Variants in ITPRIP observed in about 807,000 individuals in gnomAD.
The protein encoded by ITPRIP is inositol 1,4,5-trisphosphate receptor interacting protein.
Under a neutral mutation model 35.8 loss-of-function variants are expected in ITPRIP, and 32 were observed. The ratio of observed to expected loss-of-function variants is 0.89; its 90% confidence interval spans 0.68 to 1.20. ITPRIP has a LOEUF of 1.20. ITPRIP is among the 50% of genes most tolerant of loss of function. The pLI, the probability that ITPRIP is intolerant of heterozygous loss-of-function variation, is 0.00. For synonymous variants in ITPRIP, 358 were observed against 324.0 expected (o/e 1.11, Z -1.13); for missense variants, 653 against 735.6 (o/e 0.89, Z 1.30).
chr10:104,334,642 G>A (rs1243779630), intron 1 of ITPRIP, among the ~76,000 whole-genome samples: 1 of 152,204 alleles, frequency 6.6e-6, no homozygotes, highest in Non-Finnish European at 1.5e-5. Context: ...TGAGGCACTG[G>A]CCAAGGAGAT....
At chr10:104,330,772 C>T (rs770367038) in intron 1 of ITPRIP, among the ~76,000 whole-genome samples, 3 of 152,194 alleles carry the variant, frequency 2.0e-5, no homozygotes, top group Non-Finnish European at 4.4e-5. Context: ...CTGAGGCAGG[C>T]ACTTATCTCC....
rs906246957 is a variant in ITPRIP at position 104,315,928 on chromosome 10, G to C, written c.124C>G (p.Gln42Glu). 10 of 1,613,926 alleles carry C rather than the reference G, an allele frequency of 6.2e-6. No homozygotes were observed. Among genetic ancestry groups the C allele is most frequent in the Non-Finnish European group, 8.5e-6 (10 of 1,180,028 alleles). Residue 42 changes from glutamine (Q) to glutamate (E), a missense_variant, in exon 2 of 2, where the codon CAG (glutamine) becomes GAG (glutamate). Physicochemically the swap from Gln to Glu is conservative, Grantham distance 29. Coordinates refer to ENST00000337478, the MANE Select transcript of ITPRIP (RefSeq NM_001272013.2). The surrounding 1 kb of genome is among the most constrained non-coding windows in gnomAD (Gnocchi z 5.7). The stretch of plus-strand genomic sequence containing the variant: ...AGCTGCAGCTTCTCCTGGTGCGCCT[G>C]CATCTTGCGGATGATCTCCTCCTCG... ...ENEEEIIRKM[Q>E]AHQEKLQLEQ...
rs2135173970 is a variant in ITPRIP at position 104,313,594 on chromosome 10, T to G, written c.*814A>C. ...TCAGAAAGACCAGCTTTGGAGAGAA[T>G]AAAGAGAGGTGGGGGGCTGCTGAGC... On this transcript the variant is annotated 3_prime_UTR_variant, in exon 2 of 2. Transcript: ENST00000337478. 1.0e-6 allele frequency: 1 copy of G among 985,352 alleles called. No individual in the cohort carries two copies. The highest frequency in any genetic ancestry group is 4.7e-5 in the South Asian group (1 of 21,284). The allele number at this position is 985,352 out of a possible 1,614,324, so 61.0% of individuals were successfully genotyped here.
At chr10:104,332,600 C>T (rs912836918) in intron 1 of ITPRIP, among the ~76,000 whole-genome samples, 2 of 152,186 alleles carry the variant, frequency 1.3e-5, no homozygotes, top group African/African-American at 4.8e-5. Context: ...AAGCAGCAGG[C>T]ATCACCTGAT....
intron 1 of ITPRIP, among the ~76,000 whole-genome samples, chr10:104,322,535 C>A (rs1031900893): frequency 3.3e-5 from 5 of 152,224 alleles, no homozygotes; most frequent in African/African-American, 9.6e-5. Flanking sequence ...TCTCAACAAG[C>A]CCTCTAGGTC....
At position 104,314,465 on chromosome 10, in the gene ITPRIP, C is replaced by T. The variant is rs372160583; in HGVS notation, c.1587G>A (p.Ala529=). The change falls in exon 2 of 2, where the codon GCG becomes GCA. Residue 529 remains alanine (A), a synonymous_variant. Coordinates refer to ENST00000337478, the MANE Select transcript of ITPRIP (RefSeq NM_001272013.2). Reference sequence around the variant, plus strand: ...CATGTAGGGAATACTCGCTAATGAGCGCTGGGGCATTCTTGAGCATCTCAT... The same window carrying T: ...CATGTAGGGAATACTCGCTAATGAGTGCTGGGGCATTCTTGAGCATCTCAT... ...SFYEMLKNAP[A]LISEYSLHVP... 1.1e-4 allele frequency: 172 copies of T among 1,613,942 alleles called. No homozygotes were observed. Among genetic ancestry groups the T allele is most frequent in the Admixed American group, 1.3e-4 (8 of 60,008 alleles).
At chr10:104,317,906 G>A (rs2013731159) in intron 1 of ITPRIP, among the ~76,000 whole-genome samples, 2 of 152,214 alleles carry the variant, frequency 1.3e-5, no homozygotes. Context: ...CTGCTCAGAT[G>A]TGACTCAGAC....
intron 1 of ITPRIP, among the ~76,000 whole-genome samples, chr10:104,322,985 A>G (rs915448876): frequency 6.8e-5 from 10 of 147,556 alleles, no homozygotes; most frequent in African/African-American, 2.4e-4. Context: ...TGAGGTACAC[A>G]GTTGTTGGGG....
chr10:104,313,999 C>T lies in ITPRIP; in HGVS notation c.*409G>A. On this transcript the variant is annotated 3_prime_UTR_variant, in exon 2 of 2. Transcript: ENST00000337478. ...GGGGTGCTGGGTCTTAACACGGTTC[C>T]CTGTCAGCATTCTTGTAGATCCTCT... is the stretch of plus-strand genomic sequence containing the variant. 1 of 1,005,448 alleles carries T rather than the reference C, an allele frequency of 9.9e-7. No homozygotes were observed. The highest frequency in any genetic ancestry group is 1.2e-6 in the Non-Finnish European group (1 of 841,662). The allele number at this position is 1,005,448 out of a possible 1,614,324, so 62.3% of individuals were successfully genotyped here.
chr10:104,314,996 G>A lies in ITPRIP; in HGVS notation c.1056C>T (p.Ile352=), dbSNP rs766430777. Residue 352 remains isoleucine, a synonymous_variant, in exon 2 of 2, where the codon ATC becomes ATT. Coordinates refer to ENST00000337478, the MANE Select transcript of ITPRIP (RefSeq NM_001272013.2). ...KFMPFNLIPV[I]QCDDSDLYFV... The stretch of plus-strand genomic sequence containing the variant: ...AGTACAGGTCCGAGTCATCACACTG[G>A]ATCACAGGAATCAGGTTGAAGGGCA... 3.7e-6 allele frequency: 6 copies of A among 1,614,114 alleles called. No individual in the cohort carries two copies. The highest frequency in any genetic ancestry group is 5.1e-6 in the Non-Finnish European group (6 of 1,180,040).
chr10:104,319,297 G>C (rs1264417185), intron 1 of ITPRIP, among the ~76,000 whole-genome samples: 3 of 152,222 alleles, frequency 2.0e-5, no homozygotes, highest in Non-Finnish European at 2.9e-5. Flanking sequence ...CACAGGGCAG[G>C]CTCCTCTCCT....
intron 1 of ITPRIP, among the ~76,000 whole-genome samples, chr10:104,329,862 G>A (rs921937373): frequency 2.0e-5 from 3 of 152,174 alleles, no homozygotes; most frequent in African/African-American, 7.2e-5. Flanking sequence ...CTGGTGCTGC[G>A]GTCATGTCTC....
chr10:104,328,277 T>G lies in ITPRIP; in HGVS notation c.-14+9969A>C. 1 of 985,386 alleles carries G rather than the reference T, an allele frequency of 1.0e-6. No homozygotes were observed. Among genetic ancestry groups the G allele is most frequent in the Non-Finnish European group, 1.2e-6 (1 of 829,934 alleles). 61.0% of individuals were successfully genotyped at this position (985,386 alleles called of 1,614,324 possible). A position where few individuals can be genotyped will look rare whatever the true frequency, so the allele number is the denominator to read the frequency against. On this transcript the variant is annotated intron_variant, in intron 1 of 1. Coordinates refer to ENST00000337478, the MANE Select transcript of ITPRIP (RefSeq NM_001272013.2). This position sits in a 1 kb window ranked among gnomAD's most constrained non-coding sequence, Gnocchi z 4.1. Reference sequence around the variant, plus strand: ...ACATTGGCTTGGTCTGGGCTCGTATTCCTCCGAATTTCCCCTAGCCCTGTG... The same window carrying G: ...ACATTGGCTTGGTCTGGGCTCGTATGCCTCCGAATTTCCCCTAGCCCTGTG...
At chr10:104,318,482 A>G (rs1412848690) in intron 1 of ITPRIP, among the ~76,000 whole-genome samples, 1 of 152,184 alleles carries the variant, frequency 6.6e-6, no homozygotes, top group Non-Finnish European at 1.5e-5. Flanking sequence ...TTGTCAACTC[A>G]GTGCAGGATG....
chr10:104,331,359 G>A (rs2014144512), intron 1 of ITPRIP, among the ~76,000 whole-genome samples: 2 of 152,226 alleles, frequency 1.3e-5, no homozygotes, highest in Non-Finnish European at 2.9e-5. Flanking sequence ...CGGGTCCCCC[G>A]GCTGCTGCTA....
rs1160578013 is a variant in ITPRIP, at chr10:104,328,985, G to A, written c.-14+9261C>T. On this transcript the variant is annotated intron_variant, in intron 1 of 1. Transcript: ENST00000337478. The surrounding 1 kb of genome is among the most constrained non-coding windows in gnomAD (Gnocchi z 4.1). ...TGACACAAAGCCTGGGCCCCAGCTG[G>A]GCTGGGGAGAGCGGGGAGGGGAGAG... 5 of 152,484 alleles carry A rather than the reference G, an allele frequency of 3.3e-5. No individual in the cohort carries two copies. The highest frequency in any genetic ancestry group is 9.7e-5 in the African/African-American group (4 of 41,346). The allele number at this position is 152,484 out of a possible 1,614,324, so 9.4% of individuals were successfully genotyped here.
rs1006070933 is a variant in ITPRIP, at chr10:104,312,737, T to C, written c.*1671A>G. ...GGGCAAAGGGTCCATCTTCTCAAGC[T>C]TTCTGAGGCTGGTTGAGAGCACTCC... On this transcript the variant is annotated 3_prime_UTR_variant, in exon 2 of 2. Coordinates refer to ENST00000337478, the MANE Select transcript of ITPRIP (RefSeq NM_001272013.2). 28 of 985,224 alleles carry C rather than the reference T, an allele frequency of 2.8e-5. No individual in the cohort carries two copies. Among genetic ancestry groups the C allele is most frequent in the Non-Finnish European group, 3.3e-5 (27 of 829,920 alleles). 61.0% of individuals were successfully genotyped at this position (985,224 alleles called of 1,614,324 possible). A position where few individuals can be genotyped will look rare whatever the true frequency, so the allele number is the denominator to read the frequency against.
intron 1 of ITPRIP, among the ~76,000 whole-genome samples, chr10:104,316,948 G>A (rs1314905262): frequency 6.6e-6 from 1 of 152,190 alleles, no homozygotes; most frequent in Non-Finnish European, 1.5e-5. Context: ...TGCACAAGGG[G>A]AAAGCAATAG....
intron 1 of ITPRIP, among the ~76,000 whole-genome samples, chr10:104,336,506 G>C (rs1419449840): frequency 6.8e-6 from 1 of 147,364 alleles, no homozygotes; most frequent in African/African-American, 2.6e-5. Flanking sequence ...GGGGGGGGGG[G>C]GCAGCGGGGC....
Sources: allele counts gnomAD v4.1 joint callset (sites outside exome capture counted in the v4.1 genomes callset), GRCh38; gene constraint gnomAD v4.1.1; non-coding constraint Gnocchi (gnomAD v3.1); transcripts MANE v1.5; gene names NCBI Gene and HGNC (gene_info 2026-07-23, HGNC 2026-07-21).